The following CBR4 variants were observed in gnomAD, a reference collection of about 807,000 sequenced individuals.
The protein encoded by CBR4 is 3-oxoacyl-[acyl-carrier-protein] reductase.
Under a neutral mutation model 21.0 loss-of-function variants are expected in CBR4, and 22 were observed. That is an observed-to-expected ratio of 1.05 (90% CI 0.75 to 1.50). The LOEUF (loss-of-function observed/expected upper bound fraction) is 1.50. Among genes scored for constraint, CBR4 ranks in the 40% most tolerant of loss-of-function variants. The probability of loss-of-function intolerance (pLI) is 0.00; values close to 1 mark genes in which losing one functional copy is unlikely to be tolerated. For synonymous variants in CBR4, 100 were observed against 104.4 expected, an observed-to-expected ratio of 0.96 and a Z score of 0.26; for missense variants, 302 against 286.3, an observed-to-expected ratio of 1.05 and a Z score of -0.40.
intron 2 of CBR4, among the ~76,000 whole-genome samples, chr4:168,968,690 C>T (rs1027339218): frequency 1.3e-5 from 2 of 152,170 alleles, no homozygotes; most frequent in Non-Finnish European, 2.9e-5. Context: ...TTTGCAAGGA[C>T]AGTCTCATTA....
In CBR4 at chr4:168,989,575, G is replaced by T; in HGVS notation, c.*575C>A. ...TCTTTAGTGGGCTTGCTAAAGTATT[G>T]ACAACTAATCAGTGTCCTCTAAATA... On this transcript the variant is annotated 3_prime_UTR_variant, in exon 5 of 5. Coordinates refer to ENST00000306193, the MANE Select transcript of CBR4 (RefSeq NM_032783.5). The T allele has an allele frequency of 1.0e-6, 1 of 985,310 alleles. No individual in the cohort carries two copies. Among genetic ancestry groups the T allele is most frequent in the South Asian group, 4.7e-5 (1 of 21,280 alleles). 61.0% of individuals were successfully genotyped at this position (985,310 alleles called of 1,614,324 possible).
At chr4:168,952,245 G>A (rs1019141378) in intron 2 of CBR4, among the ~76,000 whole-genome samples, 6 of 151,988 alleles carry the variant, frequency 3.9e-5, no homozygotes, top group Non-Finnish European at 5.9e-5. Context: ...TTCTATAAGT[G>A]TGACCAATAT....
intron 2 of CBR4, chr4:168,913,874 T>C (rs1335485395): frequency 8.7e-7 from 1 of 1,144,642 alleles, no homozygotes; most frequent in Non-Finnish European, 1.3e-6. Flanking sequence ...TGATAGTGCT[T>C]AGTGGTTAAT....
At chr4:168,964,039 A>G (rs899478945) in intron 2 of CBR4, among the ~76,000 whole-genome samples, 3 of 152,222 alleles carry the variant, frequency 2.0e-5, no homozygotes, top group African/African-American at 7.2e-5. Context: ...CATCAGTAGT[A>G]TAGTAACCCA....
At chr4:169,009,554 T>C (rs1731215065) in intron 1 of CBR4, among the ~76,000 whole-genome samples, 1 of 152,220 alleles carries the variant, frequency 6.6e-6, no homozygotes, top group South Asian at 2.1e-4. Flanking sequence ...CCCAGCCCTG[T>C]CTCCGGGGGC....
intron 2 of CBR4, among the ~76,000 whole-genome samples, chr4:168,913,298 G>A (rs190984499): frequency 3.3e-5 from 5 of 151,788 alleles, no homozygotes; most frequent in Non-Finnish European, 5.9e-5. Context: ...CACCACGCCC[G>A]GCTAATTTTT....
At chr4:168,990,590 C>T (rs1190456138) in intron 4 of CBR4, among the ~76,000 whole-genome samples, 1 of 151,990 alleles carries the variant, frequency 6.6e-6, no homozygotes, top group Non-Finnish European at 1.5e-5. Context: ...GCATGCACCA[C>T]CACACCTGGC....
intron 2 of CBR4, among the ~76,000 whole-genome samples, chr4:168,913,742 T>C (rs1759531375): frequency 6.6e-6 from 1 of 152,058 alleles, no homozygotes; most frequent in Non-Finnish European, 1.5e-5. Context: ...CAAGTAAAAA[T>C]AGTTTTACTG....
rs1271195741 is a variant in CBR4 at position 168,987,903 on chromosome 4, T to TA, written c.*2246dup. The TA allele has an allele frequency of 3.1e-6, 3 of 983,108 alleles. No homozygotes were observed. The highest frequency in any genetic ancestry group is 1.2e-6 in the Non-Finnish European group (1 of 827,970). The allele number at this position is 983,108 out of a possible 1,614,324, so 60.9% of individuals were successfully genotyped here. A position where few individuals can be genotyped will look rare whatever the true frequency, so the allele number is the denominator to read the frequency against. ...AAAATATGAAAAAGAGCACAAATTT[T>TA]AAAGCCCTCCATGCAAAAAAAAATT... On this transcript the variant is annotated 3_prime_UTR_variant, in exon 5 of 5. Transcript: ENST00000306193.
At chr4:168,898,311 C>A in intron 2 of CBR4, 1 of 631,542 alleles carries the variant, frequency 1.6e-6, no homozygotes, top group Non-Finnish European at 2.8e-6. Flanking sequence ...ATCTGAAATA[C>A]CACATAAACT....
At chr4:168,987,542 AACTCT>A (rs571916346), downstream of CBR4, 1,134 of 627,412 alleles carry the variant, frequency 1.8e-3, 6 homozygotes, top group Non-Finnish European at 1.6e-3. Flanking sequence ...CAAATTTTTA[AACTCT>A]ACTCTTATAG....
intron 2 of CBR4, among the ~76,000 whole-genome samples, chr4:168,950,721 T>A (rs1763516731): frequency 1.3e-5 from 2 of 152,156 alleles, no homozygotes; most frequent in South Asian, 4.1e-4. Context: ...TTGCTTTCTA[T>A]CTCATTTATT....
intron 2 of CBR4, chr4:168,915,775 T>G (rs946054787): frequency 2.7e-6 from 2 of 753,620 alleles, no homozygotes; most frequent in African/African-American, 3.5e-5. Flanking sequence ...ATCTTAGCTG[T>G]AGGGATCAGA....
intron 2 of CBR4, among the ~76,000 whole-genome samples, chr4:168,979,807 G>A (rs1337772786): frequency 6.6e-6 from 1 of 152,126 alleles, no homozygotes; most frequent in Non-Finnish European, 1.5e-5. Flanking sequence ...AGCTCCCACA[G>A]GCAACTGACA....
chr4:168,917,785 C>G (rs187494393), intron 2 of CBR4, among the ~76,000 whole-genome samples: 1 of 151,882 alleles, frequency 6.6e-6, no homozygotes, highest in East Asian at 1.9e-4. Flanking sequence ...AATTGTGTTT[C>G]AGTCTGTATA....
chr4:168,955,252 G>T (rs150413144), intron 2 of CBR4, among the ~76,000 whole-genome samples: 10 of 152,214 alleles, frequency 6.6e-5, no homozygotes, highest in Admixed American at 2.6e-4. Context: ...AATACATGAG[G>T]CCTAATTCTG....
chr4:168,975,396 T>C (rs1764338421), intron 2 of CBR4, among the ~76,000 whole-genome samples: 1 of 152,156 alleles, frequency 6.6e-6, no homozygotes. Flanking sequence ...AGCAGTGAAG[T>C]TGTCACAAGG....
At chr4:168,967,504 AT>A (rs1480567748) in intron 2 of CBR4, among the ~76,000 whole-genome samples, 1 of 152,210 alleles carries the variant, frequency 6.6e-6, no homozygotes, top group Non-Finnish European at 1.5e-5. Flanking sequence ...TTAAAGTATA[AT>A]TTTAAAAAAA....
intron 4 of CBR4, among the ~76,000 whole-genome samples, chr4:168,996,196 G>T (rs1199456832): frequency 6.6e-6 from 1 of 152,164 alleles, no homozygotes; most frequent in Non-Finnish European, 1.5e-5. Flanking sequence ...GGTGAGAGAG[G>T]CCAAGTTGAA....
Sources: gnomAD v4.1 joint callset for allele counts (sites outside exome capture counted in the v4.1 genomes callset) on GRCh38, gnomAD v4.1.1 for gene constraint, MANE v1.5 for transcripts, NCBI Gene and HGNC (gene_info 2026-07-23, HGNC 2026-07-21) for gene names.